Variants in CLNK observed in about 807,000 individuals in gnomAD.
CLNK encodes the protein cytokine dependent hematopoietic cell linker.
A neutral mutation model predicts 68.6 loss-of-function variants in CLNK; 74 were observed. The observed-to-expected ratio is 1.08, with a 90% confidence interval of 0.89 to 1.31. The LOEUF is 1.31. Ranked by LOEUF, CLNK falls within the 50% of genes most tolerant of loss-of-function variation. The probability of loss-of-function intolerance (pLI) is 0.00; values close to 1 mark genes in which losing one functional copy is unlikely to be tolerated. For synonymous variants in CLNK, 198 were observed against 172.2 expected, an observed-to-expected ratio of 1.15 and a Z score of -1.17; for missense variants, 553 against 515.3, an observed-to-expected ratio of 1.07 and a Z score of -0.71.
At chr4:10,526,704 C>G (rs1329644668) in intron 13 of CLNK, among the ~76,000 whole-genome samples, 6 of 152,176 alleles carry the variant, frequency 3.9e-5, no homozygotes, top group African/African-American at 1.2e-4. Flanking sequence ...ACCAGGGATA[C>G]AGTTTCTCAA....
chr4:10,713,603 A>G, the CLNK span, among the ~76,000 whole-genome samples: 3 of 152,102 alleles, frequency 2.0e-5, no homozygotes, highest in Non-Finnish European at 4.4e-5. Context: ...TCTCATGTTA[A>G]AATTCGATCT....
rs779225545 is a variant in CLNK at position 10,581,344 on chromosome 4, T to TAC, written c.112+3581_112+3582dup. 7.0e-4 allele frequency among the ~76,000 whole-genome samples: 106 copies of TAC among 151,610 alleles called. 1 individual carries two copies. Among genetic ancestry groups the TAC allele is most frequent in the South Asian group, 1.0e-3 (5 of 4,786 alleles). On this transcript the variant is annotated intron_variant, in intron 4 of 18. Coordinates refer to ENST00000226951, the MANE Select transcript of CLNK (RefSeq NM_052964.4). The stretch of plus-strand genomic sequence containing the variant: ...ATGTGTATATTCATATACATATACA[T>TAC]ACACACACACACACATATAAAGAGA...
chr4:10,557,453 C>T (rs1252707682), intron 8 of CLNK, among the ~76,000 whole-genome samples: 1 of 152,168 alleles, frequency 6.6e-6, no homozygotes, highest in Non-Finnish European at 1.5e-5. Context: ...TCTGCCTGGG[C>T]TAGTGGTGTC....
chr4:10,710,335 A>G, the CLNK span, among the ~76,000 whole-genome samples: 374 of 152,284 alleles, frequency 2.5e-3, 2 homozygotes, highest in African/African-American at 8.5e-3. Flanking sequence ...AGTCACACCA[A>G]CCAGCGCTGG....
intron 3 of CLNK, 84 bp from the exon 4 acceptor site, chr4:10,585,039 A>G (rs576448150): frequency 6.9e-7 from 1 of 1,440,278 alleles, no homozygotes; most frequent in South Asian, 1.2e-5. Context: ...GCAGTCATCA[A>G]ACGTCATTGT....
At chr4:10,627,605 A>G (rs1042034692) in intron 2 of CLNK, among the ~76,000 whole-genome samples, 1 of 152,188 alleles carries the variant, frequency 6.6e-6, no homozygotes, top group Non-Finnish European at 1.5e-5. Context: ...GGACGGACAC[A>G]GAGAGGGACA....
chr4:10,542,644 G>A (rs573056147), intron 8 of CLNK, among the ~76,000 whole-genome samples: 1 of 144,582 alleles, frequency 6.9e-6, no homozygotes, highest in African/African-American at 2.7e-5. Flanking sequence ...GTATATGTGT[G>A]TGTGTGTGTG....
chr4:10,597,441 G>GA (rs1464647679), intron 3 of CLNK, among the ~76,000 whole-genome samples: 1 of 152,188 alleles, frequency 6.6e-6, no homozygotes, highest in Admixed American at 6.5e-5. Flanking sequence ...TGAGCTTTTT[G>GA]ACTAGTCTGC....
intron 2 of CLNK, among the ~76,000 whole-genome samples, chr4:10,647,400 G>T (rs368211756): frequency 6.6e-6 from 1 of 152,186 alleles, no homozygotes; most frequent in African/African-American, 2.4e-5. Flanking sequence ...TTGAAGACTG[G>T]GAAATAGTTA....
At chr4:10,536,217 C>T (rs561934975) in intron 11 of CLNK, among the ~76,000 whole-genome samples, 2 of 152,288 alleles carry the variant, frequency 1.3e-5, no homozygotes, top group East Asian at 3.9e-4. Flanking sequence ...ATGGCTTCTG[C>T]CTTAGGGAAG....
At chr4:10,630,376 C>G (rs1421660376) in intron 2 of CLNK, among the ~76,000 whole-genome samples, 1 of 152,190 alleles carries the variant, frequency 6.6e-6, no homozygotes, top group African/African-American at 2.4e-5. Flanking sequence ...TCATGAAAGT[C>G]AAAGGACTGG....
chr4:10,580,887 G>C (rs575456769), intron 4 of CLNK, among the ~76,000 whole-genome samples: 2 of 152,192 alleles, frequency 1.3e-5, no homozygotes, highest in Non-Finnish European at 2.9e-5. Context: ...TAAGTGTAGA[G>C]ATTCTAATGT....
chr4:10,608,019 A>T lies in CLNK; in HGVS notation c.12-9970T>A, dbSNP rs16870515. Among the ~76,000 whole-genome samples the T allele has an allele frequency of 2.7e-3, 418 of 152,258 alleles. 3 individuals are homozygous for T. Among genetic ancestry groups the T allele is most frequent in the African/African-American group, 9.6e-3 (400 of 41,522 alleles). On this transcript the variant is annotated intron_variant, in intron 2 of 18. Transcript: ENST00000226951. ...AGTGCTGAATCATTAGCAGCTGAAA[A>T]TCTAGTAGAAGAGTCCCAAAAAATC...
At chr4:10,496,828 G>A (rs1716828098) in intron 18 of CLNK, among the ~76,000 whole-genome samples, 1 of 152,172 alleles carries the variant, frequency 6.6e-6, no homozygotes, top group East Asian at 1.9e-4. Context: ...TACATAGGGC[G>A]AACACCAAGT....
chr4:10,495,376 C>T (rs1716761617), intron 18 of CLNK, among the ~76,000 whole-genome samples: 1 of 152,160 alleles, frequency 6.6e-6, no homozygotes, highest in East Asian at 1.9e-4. Flanking sequence ...TGATGTTCTA[C>T]CAATCTCATT....
At chr4:10,566,292 T>G (rs1168233597) in intron 5 of CLNK, 142 bp from the exon 6 acceptor site, 2 of 796,096 alleles carry the variant, frequency 2.5e-6, no homozygotes, top group African/African-American at 1.7e-5. Flanking sequence ...GGATCTTAAA[T>G]AGAAGTTTAA....
chr4:10,696,420 C>G, the CLNK span, among the ~76,000 whole-genome samples: 1 of 152,218 alleles, frequency 6.6e-6, no homozygotes, highest in Admixed American at 6.5e-5. Context: ...CAGCACTGAG[C>G]AACCCAATTG....
chr4:10,712,905 A>G, the CLNK span, among the ~76,000 whole-genome samples: 12 of 152,332 alleles, frequency 7.9e-5, no homozygotes, highest in East Asian at 2.3e-3. Context: ...GACCCCCACC[A>G]GAAACTGACT....
chr4:10,615,244 C>T (rs1479386617), intron 2 of CLNK, among the ~76,000 whole-genome samples: 2 of 151,990 alleles, frequency 1.3e-5, no homozygotes, highest in Non-Finnish European at 2.9e-5. Context: ...CTTTGGGAGG[C>T]CAAGACGGGC....
Sources: allele counts gnomAD v4.1 joint callset (sites outside exome capture counted in the v4.1 genomes callset), GRCh38; gene constraint gnomAD v4.1.1; transcripts MANE v1.5; gene names NCBI Gene and HGNC (gene_info 2026-07-23, HGNC 2026-07-21).